The following ANK2 variants were observed in gnomAD, a reference collection of about 807,000 sequenced individuals.
The protein encoded by ANK2 is ankyrin-2.
Under a neutral mutation model 360.5 loss-of-function variants are expected in ANK2, and 83 were observed. The observed-to-expected ratio is 0.23, with a 90% CI of 0.19 to 0.28. The LOEUF (loss-of-function observed/expected upper bound fraction) is 0.28. Ranked by LOEUF, ANK2 falls within the 10% of genes least tolerant of loss-of-function variation. The probability of loss-of-function intolerance (pLI) is 1.00; values close to 1 mark genes in which losing one functional copy is unlikely to be tolerated. For missense variants in ANK2, 4,201 were observed against 4,795.7 expected (o/e 0.88, Z 3.66); for synonymous variants, 1,740 against 1,759.5 (o/e 0.99, Z 0.28).
chr4:112,851,445 C>G (rs939050969), intron 1 of ANK2, among the ~76,000 whole-genome samples: 2 of 152,002 alleles, frequency 1.3e-5, no homozygotes, highest in Non-Finnish European at 2.9e-5. Context: ...GCATTTCTCC[C>G]ATACCTTCTG....
At chr4:113,169,696 G>A (rs1398597842) in intron 1 of ANK2, among the ~76,000 whole-genome samples, 1 of 152,006 alleles carries the variant, frequency 6.6e-6, no homozygotes, top group African/African-American at 2.4e-5. Flanking sequence ...ATAGTCTATT[G>A]ATTTCTTTTA....
chr4:113,298,672 T>A (rs29316), intron 22 of ANK2, among the ~76,000 whole-genome samples: 1,600 of 152,346 alleles, frequency 0.011, 25 homozygotes, highest in African/African-American at 0.036. Context: ...TTTAATTATA[T>A]CCCATTAAAC....
intron 17 of ANK2, among the ~76,000 whole-genome samples, chr4:113,279,986 T>A (rs889910338): frequency 1.3e-5 from 2 of 152,136 alleles, no homozygotes; most frequent in Admixed American, 1.3e-4. Flanking sequence ...TTTAATAACA[T>A]ATGTGAGTTC....
intron 2 of ANK2, among the ~76,000 whole-genome samples, chr4:113,186,368 G>C (rs890203493): frequency 6.6e-6 from 1 of 152,042 alleles, no homozygotes; most frequent in African/African-American, 2.4e-5. Flanking sequence ...TCAACAAAAA[G>C]GACGTCCACA....
At chr4:112,931,560 C>T (rs1207904723) in intron 2 of ANK2, among the ~76,000 whole-genome samples, 1 of 151,390 alleles carries the variant, frequency 6.6e-6, no homozygotes, top group East Asian at 1.9e-4. Flanking sequence ...CCTCAGCCTC[C>T]CGAGTAGCTG....
At chr4:113,100,066 A>G (rs552333835) in intron 1 of ANK2, among the ~76,000 whole-genome samples, 3 of 152,206 alleles carry the variant, frequency 2.0e-5, no homozygotes, top group African/African-American at 7.2e-5. Context: ...GGGTTTGATG[A>G]TGAGTTTTTA....
intron 23 of ANK2, among the ~76,000 whole-genome samples, chr4:113,305,305 A>C (rs1335134106): frequency 2.4e-5 from 3 of 126,732 alleles, no homozygotes; most frequent in African/African-American, 9.3e-5. Context: ...CCGCCACTGC[A>C]CTCCAGCCTG....
intron 1 of ANK2, chr4:113,117,180 C>A (rs1468004474): frequency 2.5e-6 from 1 of 400,426 alleles, no homozygotes; most frequent in Non-Finnish European, 4.9e-6. Context: ...GGCTGCCAGC[C>A]ATTGCCCTGG....
intron 39 of ANK2, among the ~76,000 whole-genome samples, chr4:113,362,355 G>A (rs921689027): frequency 3.9e-5 from 6 of 152,040 alleles, no homozygotes; most frequent in African/African-American, 7.2e-5. Context: ...CTTCAAAAGA[G>A]GTCACCCTAT....
chr4:112,756,254 A>G, the ANK2 span, among the ~76,000 whole-genome samples: 1 of 145,806 alleles, frequency 6.9e-6, no homozygotes, highest in Non-Finnish European at 1.5e-5. Context: ...AAAAAAAGAC[A>G]GAGTCTCACT....
At chr4:112,798,585 C>A in the ANK2 span, 57,223 of 152,206 alleles carry the variant, frequency 0.38, 11,528 homozygotes, top group African/African-American at 0.52. Flanking sequence ...CGCGCCTGGC[C>A]ACAGTTATGG....
chr4:112,727,121 A>G, the ANK2 span, among the ~76,000 whole-genome samples: 16 of 152,068 alleles, frequency 1.1e-4, no homozygotes, highest in South Asian at 2.1e-4. Context: ...TCAAATTTTT[A>G]TATGGAACTA....
intron 31 of ANK2, among the ~76,000 whole-genome samples, chr4:113,337,302 A>G (rs2093667740): frequency 6.6e-6 from 1 of 152,224 alleles, no homozygotes; most frequent in Admixed American, 6.5e-5. Context: ...TTAGAAAAAC[A>G]ACTTAAAGGT....
chr4:113,293,712 A>G (rs1303185415), intron 22 of ANK2, among the ~76,000 whole-genome samples, 174 bp downstream of exon 22: 1 of 152,250 alleles, frequency 6.6e-6, no homozygotes, highest in Non-Finnish European at 1.5e-5. Context: ...GGATTCACAC[A>G]AGGAATACAG....
intron 1 of ANK2, among the ~76,000 whole-genome samples, chr4:113,060,450 T>C (rs1384872019): frequency 6.6e-6 from 1 of 152,048 alleles, no homozygotes; most frequent in Non-Finnish European, 1.5e-5. Flanking sequence ...TCCAGATGGG[T>C]TTAAAAAAAC....
intron 2 of ANK2, among the ~76,000 whole-genome samples, chr4:113,039,263 TTATGTTCG>T (rs1312909704): frequency 1.3e-5 from 2 of 152,070 alleles, no homozygotes; most frequent in Non-Finnish European, 2.9e-5. Flanking sequence ...CTTGAAGTTT[TTATGTTCG>T]TATTATCTTT....
At chr4:113,282,070 A>C (rs1433337617) in intron 17 of ANK2, among the ~76,000 whole-genome samples, 3 of 152,234 alleles carry the variant, frequency 2.0e-5, no homozygotes, top group Non-Finnish European at 4.4e-5. Context: ...AGTTTAAAGT[A>C]CAATCCAAAC....
chr4:112,804,022 T>G, the ANK2 span, among the ~76,000 whole-genome samples: 2 of 151,060 alleles, frequency 1.3e-5, no homozygotes, highest in Non-Finnish European at 2.9e-5. Context: ...CGGTTTTTTT[T>G]TTTTTTCTTT....
intron 1 of ANK2, among the ~76,000 whole-genome samples, chr4:113,082,037 G>C (rs568902904): frequency 6.6e-6 from 1 of 152,234 alleles, no homozygotes; most frequent in East Asian, 1.9e-4. Flanking sequence ...TCAAACTTCT[G>C]ACCTCAGGTG....
Sources: gnomAD v4.1 joint callset for allele counts (sites outside exome capture counted in the v4.1 genomes callset) on GRCh38, gnomAD v4.1.1 for gene constraint, MANE v1.5 for transcripts, NCBI Gene and HGNC (gene_info 2026-07-23, HGNC 2026-07-21) for gene names.